The following KLF12 variants were observed in gnomAD, a reference collection of about 807,000 sequenced individuals.
The protein encoded by KLF12 is KLF transcription factor 12, also known as Krueppel-like factor 12.
KLF12 carries 9 observed loss-of-function variants against 37.8 expected under a neutral mutation model. The observed-to-expected ratio is 0.24, with a 90% CI of 0.14 to 0.42. The LOEUF (loss-of-function observed/expected upper bound fraction) is 0.42. Ranked by LOEUF, KLF12 falls within the 10% of genes least tolerant of loss-of-function variation. The pLI is 1.00. For synonymous variants in KLF12, 208 were observed against 202.1 expected, an observed-to-expected ratio of 1.03 and a Z score of -0.25; for missense variants, 411 against 516.0, an observed-to-expected ratio of 0.80 and a Z score of 1.97.
At chr13:73,773,148 G>T (rs892772971) in intron 5 of KLF12, among the ~76,000 whole-genome samples, 1 of 152,190 alleles carries the variant, frequency 6.6e-6, no homozygotes, top group Non-Finnish European at 1.5e-5. Flanking sequence ...AAGAGCTAGA[G>T]ACCTGAGTAT....
At chr13:73,989,552 C>T (rs776468134) in intron 2 of KLF12, among the ~76,000 whole-genome samples, 3 of 152,162 alleles carry the variant, frequency 2.0e-5, no homozygotes, top group Non-Finnish European at 4.4e-5. Flanking sequence ...GAGCCCTTCA[C>T]TTAAGGGGCA....
chr13:73,989,277 C>T (rs1430897205), intron 2 of KLF12, among the ~76,000 whole-genome samples: 2 of 152,188 alleles, frequency 1.3e-5, no homozygotes, highest in East Asian at 3.8e-4. Flanking sequence ...ATGTGAGAGG[C>T]AACTGGGAGC....
intron 3 of KLF12, among the ~76,000 whole-genome samples, chr13:73,907,511 T>TCA (rs1407945883): frequency 1.3e-5 from 2 of 152,206 alleles, no homozygotes; most frequent in African/African-American, 2.4e-5. Flanking sequence ...TCCTCAGCTC[T>TCA]CAGTCTTCTA....
chr13:74,192,552 T>A, the KLF12 span, among the ~76,000 whole-genome samples: 4 of 152,270 alleles, frequency 2.6e-5, no homozygotes, highest in Admixed American at 2.6e-4. Flanking sequence ...GTGTGAGATG[T>A]GATTACAAGG....
intron 1 of KLF12, among the ~76,000 whole-genome samples, chr13:74,105,796 T>C (rs912660): frequency 3.3e-5 from 5 of 152,278 alleles, no homozygotes; most frequent in African/African-American, 9.6e-5. Flanking sequence ...AAAATTAATA[T>C]GTACTATGCC....
chr13:74,183,761 C>A, the KLF12 span, among the ~76,000 whole-genome samples: 3 of 152,042 alleles, frequency 2.0e-5, no homozygotes, highest in East Asian at 3.9e-4. Context: ...TATAGGGAAA[C>A]CCCGTCTCTA....
At chr13:73,914,812 CT>C (rs201342030) in intron 3 of KLF12, among the ~76,000 whole-genome samples, 3 of 151,292 alleles carry the variant, frequency 2.0e-5, no homozygotes, top group Non-Finnish European at 4.4e-5. Flanking sequence ...ATGTTTTCAT[CT>C]TTTTTTTTCC....
intron 4 of KLF12, among the ~76,000 whole-genome samples, chr13:73,833,176 C>T (rs1372397948): frequency 1.3e-5 from 2 of 152,090 alleles, no homozygotes; most frequent in Admixed American, 6.6e-5. Flanking sequence ...CCAATCAAAG[C>T]TATTAGTTAT....
Position 73,695,560 on chromosome 13 carries a change from G to A in KLF12, c.1139C>T (p.Ala380Val), listed in dbSNP as rs777139465. 5.0e-6 allele frequency: 8 copies of A among 1,613,976 alleles called. No homozygotes were observed. Among genetic ancestry groups the A allele is most frequent in the East Asian group, 2.2e-5 (1 of 44,888 alleles). ...CCGGGAAAAGCTGCGATCACAGTCC[G>A]CGCACTTGAATGGCTTCACTCCCGT... The change falls in exon 8 of 8, where the codon GCG (alanine) becomes GTG (valine). Residue 380 changes from alanine to valine, a missense_variant. Physicochemically the swap from Ala to Val is moderately conservative, Grantham distance 64. Transcript: ENST00000377669.
At chr13:73,774,212 C>T in intron 5 of KLF12, among the ~76,000 whole-genome samples, 1 of 150,944 alleles carries the variant, frequency 6.6e-6, no homozygotes, top group Non-Finnish European at 1.5e-5. Flanking sequence ...TGTGTTGCTG[C>T]AATAATTTGG....
At chr13:74,139,010 T>C in the KLF12 span, among the ~76,000 whole-genome samples, 2 of 152,210 alleles carry the variant, frequency 1.3e-5, no homozygotes, top group Non-Finnish European at 2.9e-5. Flanking sequence ...TATCTTTCCC[T>C]TCTTGGAGCT....
chr13:74,039,833 A>G (rs1017220919), intron 1 of KLF12, among the ~76,000 whole-genome samples: 2 of 152,242 alleles, frequency 1.3e-5, no homozygotes, highest in Admixed American at 1.3e-4. Flanking sequence ...TGACTCCACT[A>G]AACTGTTGTC....
intron 1 of KLF12, among the ~76,000 whole-genome samples, chr13:74,037,659 G>T (rs1417290448): frequency 6.6e-6 from 1 of 152,116 alleles, no homozygotes; most frequent in East Asian, 1.9e-4. Context: ...ACAACATGTG[G>T]TCTCTAAGTT....
At chr13:73,762,545 A>AT (rs1879634640) in intron 6 of KLF12, among the ~76,000 whole-genome samples, 3 of 152,014 alleles carry the variant, frequency 2.0e-5, no homozygotes, top group South Asian at 4.1e-4. Context: ...GATGAACACA[A>AT]TTTTTTAATT....
intron 6 of KLF12, 25 bp from the exon 7 acceptor site, chr13:73,715,550 C>T (rs1875737270): frequency 1.2e-6 from 2 of 1,610,266 alleles, no homozygotes; most frequent in South Asian, 1.1e-5. Context: ...AGTGGAGTTA[C>T]ACGGTGAGAT....
Position 74,009,500 on chromosome 13 carries a change from C to T in KLF12, c.-31-14447G>A, listed in dbSNP as rs143948957. On this transcript the variant is annotated intron_variant, in intron 1 of 7. Transcript: ENST00000377669. Reference sequence around the variant, plus strand: ...ACACTCTTTTCCTCATGCCATTTTGCCTCTCCCTGAAGCTTCTGGTCTGTG... The same window carrying T: ...ACACTCTTTTCCTCATGCCATTTTGTCTCTCCCTGAAGCTTCTGGTCTGTG... Among the ~76,000 whole-genome samples, 658 of 152,266 alleles carry T rather than the reference C, an allele frequency of 4.3e-3. 3 individuals are homozygous for T. The highest frequency in any genetic ancestry group is 0.013 in the African/African-American group (551 of 41,540).
chr13:74,005,429 A>T (rs777376784), intron 1 of KLF12, among the ~76,000 whole-genome samples: 1 of 152,240 alleles, frequency 6.6e-6, no homozygotes, highest in East Asian at 1.9e-4. Context: ...AAGACATCGT[A>T]TAACATATAT....
chr13:73,913,075 G>GT (rs1233144359), intron 3 of KLF12, among the ~76,000 whole-genome samples: 1 of 152,108 alleles, frequency 6.6e-6, no homozygotes, highest in Non-Finnish European at 1.5e-5. Context: ...TCTCCGACAC[G>GT]TATCTGTCTT....
At chr13:73,971,607 C>T (rs187239079) in intron 2 of KLF12, among the ~76,000 whole-genome samples, 121 of 152,242 alleles carry the variant, frequency 7.9e-4, no homozygotes, top group Non-Finnish European at 1.3e-3. Flanking sequence ...GGGTATTTCT[C>T]CTGAGGCTCC....
Sources: gnomAD v4.1 joint callset for allele counts (sites outside exome capture counted in the v4.1 genomes callset) on GRCh38, gnomAD v4.1.1 for gene constraint, MANE v1.5 for transcripts, NCBI Gene and HGNC (gene_info 2026-07-23, HGNC 2026-07-21) for gene names.